RARB: variants seen among roughly 807,000 people sequenced by gnomAD.
The protein encoded by RARB is retinoic acid receptor beta, also known as HBV-activated protein.
A neutral mutation model predicts 51.9 loss-of-function variants in RARB; 17 were observed. The ratio of observed to expected loss-of-function variants is 0.33; its 90% confidence interval spans 0.22 to 0.49. The LOEUF (loss-of-function observed/expected upper bound fraction) is 0.49, where lower values mean the gene tolerates loss of function less well. Among genes scored for constraint, RARB ranks in the 20% least tolerant of loss-of-function variants. RARB has a pLI of 0.99. For missense variants in RARB, 369 were observed against 550.8 expected, an observed-to-expected ratio of 0.67 and a Z score of 3.30; for synonymous variants, 215 against 195.4, an observed-to-expected ratio of 1.10 and a Z score of -0.84.
chr3:25,286,661 T>C (rs1559344601), intron 5 of RARB, among the ~76,000 whole-genome samples: 1 of 152,222 alleles, frequency 6.6e-6, no homozygotes, highest in Non-Finnish European at 1.5e-5. Flanking sequence ...TTTTTCTTTA[T>C]AATCCTTCCC....
At chr3:24,939,925 T>A (rs556128226) in intron 2 of RARB, among the ~76,000 whole-genome samples, 2 of 152,222 alleles carry the variant, frequency 1.3e-5, no homozygotes, top group East Asian at 3.8e-4. Flanking sequence ...ACAAATAACG[T>A]GTTTTACCAT....
intron 2 of RARB, among the ~76,000 whole-genome samples, chr3:24,955,121 G>A (rs908125922): frequency 6.6e-6 from 1 of 152,112 alleles, no homozygotes; most frequent in African/African-American, 2.4e-5. Context: ...TGAATGCGGA[G>A]GATTTTATTA....
chr3:24,994,391 G>A (rs1696977776), intron 2 of RARB, among the ~76,000 whole-genome samples: 1 of 152,136 alleles, frequency 6.6e-6, no homozygotes. Flanking sequence ...GTATATTCTG[G>A]ATATTAATCC....
intron 5 of RARB, among the ~76,000 whole-genome samples, chr3:25,248,385 G>A (rs1448196894): frequency 1.3e-5 from 2 of 152,016 alleles, no homozygotes; most frequent in Non-Finnish European, 2.9e-5. Flanking sequence ...TATTGATATG[G>A]GAGGGCTTAC....
chr3:25,355,780 A>G lies in RARB; in HGVS notation c.179-105413A>G, dbSNP rs372200097. Among the ~76,000 whole-genome samples the G allele has an allele frequency of 2.0e-5, 3 of 152,152 alleles. No individual in the cohort carries two copies. In the South Asian group the frequency reaches 6.2e-4, roughly 31 times the overall value. On this transcript the variant is annotated intron_variant, in intron 5 of 11. Coordinates refer to the RARB transcript ENST00000383772. The stretch of plus-strand genomic sequence containing the variant: ...AAAATAGTTTTAATGTAAGAATCAC[A>G]AGATCCATTTTAGGCATGCAAATTG...
chr3:24,910,219 AG>A (rs1479402315), intron 2 of RARB, among the ~76,000 whole-genome samples: 4 of 152,178 alleles, frequency 2.6e-5, no homozygotes, highest in Admixed American at 2.6e-4. Context: ...TCCTAAGCCT[AG>A]AAACTTAGGG....
intron 3 of RARB, among the ~76,000 whole-genome samples, chr3:25,503,800 T>G (rs1308867607): frequency 6.6e-6 from 1 of 152,122 alleles, no homozygotes; most frequent in African/African-American, 2.4e-5. Flanking sequence ...TATACGCAAC[T>G]GAAATGAAAC....
intron 3 of RARB, among the ~76,000 whole-genome samples, chr3:25,514,074 C>T (rs923444879): frequency 6.6e-6 from 1 of 152,192 alleles, no homozygotes; most frequent in African/African-American, 2.4e-5. Context: ...AAAATAGCAA[C>T]CTGAAATTCT....
intron 3 of RARB, among the ~76,000 whole-genome samples, chr3:25,518,086 A>G (rs1433567367): frequency 6.6e-6 from 1 of 152,186 alleles, no homozygotes; most frequent in Non-Finnish European, 1.5e-5. Context: ...TATATTAAAA[A>G]CCACTGAATA....
chr3:24,957,674 T>C (rs6802478), intron 2 of RARB, among the ~76,000 whole-genome samples: 6 of 151,588 alleles, frequency 4.0e-5, no homozygotes, highest in Non-Finnish European at 5.9e-5. Context: ...CAAAGTTCTT[T>C]GCCAATTATT....
At chr3:24,981,901 C>G (rs1696683586) in intron 2 of RARB, among the ~76,000 whole-genome samples, 1 of 152,168 alleles carries the variant, frequency 6.6e-6, no homozygotes, top group Non-Finnish European at 1.5e-5. Context: ...AGAGCTATTC[C>G]TATTCTGCCA....
At chr3:25,197,606 C>A (rs1467308746) in intron 5 of RARB, among the ~76,000 whole-genome samples, 1 of 151,912 alleles carries the variant, frequency 6.6e-6, no homozygotes, top group Non-Finnish European at 1.5e-5. Context: ...GATACAAAAT[C>A]AACCTACAAA....
intron 3 of RARB, among the ~76,000 whole-genome samples, chr3:25,067,698 C>CT (rs1407852858): frequency 6.6e-6 from 1 of 152,188 alleles, no homozygotes; most frequent in East Asian, 1.9e-4. Context: ...CCCCCTTCTC[C>CT]TCCTATGCTT....
intron 5 of RARB, among the ~76,000 whole-genome samples, chr3:25,249,983 G>A (rs1388136151): frequency 3.9e-5 from 3 of 77,736 alleles, no homozygotes; most frequent in African/African-American, 2.9e-4. Context: ...GGTGGGCTCG[G>A]TGGGTGGGAA....
chr3:25,081,528 CTGTAAT>C (rs1394061387), intron 3 of RARB, among the ~76,000 whole-genome samples: 1 of 134,862 alleles, frequency 7.4e-6, no homozygotes, highest in Admixed American at 7.8e-5. Context: ...AAATCTCAAA[CTGTAAT>C]TGTACATGTG....
At chr3:25,023,881 T>A (rs1341787068) in intron 2 of RARB, among the ~76,000 whole-genome samples, 1 of 152,136 alleles carries the variant, frequency 6.6e-6, no homozygotes, top group Non-Finnish European at 1.5e-5. Flanking sequence ...TGTGGGTGTT[T>A]GGGGAGGTGG....
At chr3:25,161,971 C>T (rs1171250763) in intron 4 of RARB, among the ~76,000 whole-genome samples, 2 of 152,164 alleles carry the variant, frequency 1.3e-5, no homozygotes, top group Admixed American at 6.5e-5. Flanking sequence ...CCAAGACAGA[C>T]AGACACACAA....
intron 4 of RARB, among the ~76,000 whole-genome samples, chr3:25,137,682 T>C (rs1436507435): frequency 6.6e-6 from 1 of 152,066 alleles, no homozygotes; most frequent in Non-Finnish European, 1.5e-5. Context: ...CCAGGCCCAT[T>C]GAAGGCCTCT....
At chr3:25,483,154 A>G (rs1171981320) in intron 2 of RARB, among the ~76,000 whole-genome samples, 2 of 152,208 alleles carry the variant, frequency 1.3e-5, no homozygotes, top group Non-Finnish European at 2.9e-5. Context: ...CCAAAATGTC[A>G]AGTGCAAACA....
Sources: gnomAD v4.1 joint callset for allele counts (sites outside exome capture counted in the v4.1 genomes callset) on GRCh38, gnomAD v4.1.1 for gene constraint, MANE v1.5 for transcripts, NCBI Gene and HGNC (gene_info 2026-07-23, HGNC 2026-07-21) for gene names.